The following TBC1D22A variants were observed in gnomAD, a reference collection of about 807,000 sequenced individuals.
TBC1D22A encodes TBC1 domain family member 22A.
In TBC1D22A, 38 loss-of-function variants were observed where a neutral mutation model predicts 60.2. The ratio of observed to expected loss-of-function variants is 0.63; its 90% CI spans 0.49 to 0.83. The LOEUF is 0.83. Among genes scored for constraint, TBC1D22A ranks in the 40% least tolerant of loss-of-function variants. The pLI is 0.00. For missense variants in TBC1D22A, 628 were observed against 701.0 expected, an observed-to-expected ratio of 0.90 and a Z score of 1.18; for synonymous variants, 302 against 281.7, an observed-to-expected ratio of 1.07 and a Z score of -0.72.
chr22:47,075,043 G>A (rs1449358153), intron 11 of TBC1D22A, among the ~76,000 whole-genome samples: 1 of 152,088 alleles, frequency 6.6e-6, no homozygotes, highest in Non-Finnish European at 1.5e-5. Context: ...CTAGCACAGT[G>A]AAACCCTGTC....
chr22:47,037,244 G>C (rs114037328), intron 11 of TBC1D22A, 46 bp downstream of exon 11: 3 of 1,605,728 alleles, frequency 1.9e-6, no homozygotes, highest in African/African-American at 2.7e-5. Context: ...CCAGGAGCCC[G>C]GGCCGTTTCC....
intron 4 of TBC1D22A, among the ~76,000 whole-genome samples, chr22:46,836,008 A>G (rs1288485541): frequency 2.0e-5 from 3 of 152,220 alleles, no homozygotes; most frequent in Non-Finnish European, 4.4e-5. Flanking sequence ...AATGAGGGCA[A>G]GAGTTTCCCA....
intron 12 of TBC1D22A, among the ~76,000 whole-genome samples, chr22:47,163,434 G>C (rs1272912455): frequency 1.3e-5 from 2 of 152,226 alleles, no homozygotes; most frequent in East Asian, 3.8e-4. Flanking sequence ...TTGCAGTGTC[G>C]AGACAGGCAG....
chr22:46,838,964 C>T (rs950258041), intron 4 of TBC1D22A, among the ~76,000 whole-genome samples: 1 of 152,156 alleles, frequency 6.6e-6, no homozygotes, highest in Non-Finnish European at 1.5e-5. Context: ...TGCCTTTCCT[C>T]TAAGATCAGG....
chr22:46,763,118 A>G, intron 1 of TBC1D22A: 2 of 420,020 alleles, frequency 4.8e-6, no homozygotes, highest in Non-Finnish European at 8.5e-6. Flanking sequence ...TTTCCGAGAA[A>G]CTCCTGGGCT....
At chr22:46,773,569 G>T (rs767938707) in intron 1 of TBC1D22A, among the ~76,000 whole-genome samples, 14 of 152,124 alleles carry the variant, frequency 9.2e-5, no homozygotes, top group African/African-American at 2.9e-4. Context: ...GGTTCAAGCA[G>T]TTCTCCTGCC....
intron 8 of TBC1D22A, chr22:46,913,485 C>T: frequency 7.5e-7 from 1 of 1,325,510 alleles, no homozygotes; most frequent in South Asian, 1.2e-5. Flanking sequence ...ACTTTGTTTC[C>T]ATTTGTGATT....
At chr22:46,929,912 C>A (rs1323194774) in intron 8 of TBC1D22A, among the ~76,000 whole-genome samples, 1 of 152,172 alleles carries the variant, frequency 6.6e-6, no homozygotes, top group African/African-American at 2.4e-5. Context: ...TGCTCCTCAG[C>A]CCCTATGTGT....
intron 1 of TBC1D22A, 26 bp downstream of exon 1, chr22:46,762,874 C>T (rs1429439830): frequency 2.7e-6 from 4 of 1,470,962 alleles, no homozygotes; most frequent in Non-Finnish European, 3.6e-6. Context: ...AGGGCCAGGT[C>T]GGGGTCAGGG....
chr22:47,008,151 A>G (rs1347674448), intron 10 of TBC1D22A, among the ~76,000 whole-genome samples: 1 of 152,164 alleles, frequency 6.6e-6, no homozygotes, highest in African/African-American at 2.4e-5. Flanking sequence ...GCAAATTTGG[A>G]TTTTGTCCAT....
At chr22:46,803,386 G>A (rs1378647129) in intron 4 of TBC1D22A, among the ~76,000 whole-genome samples, 1 of 152,182 alleles carries the variant, frequency 6.6e-6, no homozygotes, top group Admixed American at 6.5e-5. Flanking sequence ...TGCTGTTGGA[G>A]GCCTGAGGAA....
intron 11 of TBC1D22A, among the ~76,000 whole-genome samples, chr22:47,076,204 A>G (rs2064200352): frequency 1.3e-5 from 2 of 152,228 alleles, no homozygotes; most frequent in African/African-American, 2.4e-5. Flanking sequence ...GAACGGTTGT[A>G]TATAGAAGTC....
chr22:46,855,968 A>ATGTGTGACATGT (rs2087547643), intron 4 of TBC1D22A, among the ~76,000 whole-genome samples: 1 of 152,176 alleles, frequency 6.6e-6, no homozygotes, highest in Non-Finnish European at 1.5e-5. Flanking sequence ...TGGATTTCTC[A>ATGTGTGACATGT]GTCATGTGTG....
intron 8 of TBC1D22A, among the ~76,000 whole-genome samples, chr22:46,954,572 G>A (rs1470961001): frequency 6.6e-6 from 1 of 152,172 alleles, no homozygotes; most frequent in African/African-American, 2.4e-5. Context: ...ACGTCACTAT[G>A]TCTGTGGCTC....
At chr22:47,004,556 C>G (rs1569326246) in intron 10 of TBC1D22A, among the ~76,000 whole-genome samples, 1 of 150,588 alleles carries the variant, frequency 6.6e-6, no homozygotes, top group Non-Finnish European at 1.5e-5. Context: ...AGGCAGGCTC[C>G]TGTACACACA....
intron 4 of TBC1D22A, among the ~76,000 whole-genome samples, chr22:46,878,318 G>A (rs368789775): frequency 6.9e-5 from 10 of 144,186 alleles, no homozygotes; most frequent in South Asian, 2.2e-4. Context: ...GAAGGAGGTG[G>A]GAGGGAGAGA....
At chr22:47,057,217 C>G (rs865944613) in intron 11 of TBC1D22A, among the ~76,000 whole-genome samples, 5 of 152,292 alleles carry the variant, frequency 3.3e-5, no homozygotes, top group South Asian at 2.1e-4. Flanking sequence ...GTTGAGGCTG[C>G]CGCAAATGAG....
rs1041137143 is a variant in TBC1D22A, at chr22:47,115,461, G to T, written c.1425+3858G>T. Among the ~76,000 whole-genome samples the T allele has an allele frequency of 7.3e-5, 11 of 151,352 alleles. 1 individual carries two copies. Among genetic ancestry groups the T allele is most frequent in the African/African-American group, 2.7e-4 (11 of 41,174 alleles). The stretch of plus-strand genomic sequence containing the variant: ...AGCCTCAGCCCTCACAGCATGGACT[G>T]TGCCTTCCATCTGCCACTCTCCCAC... On this transcript the variant is annotated intron_variant, in intron 12 of 12. Coordinates refer to ENST00000337137, the MANE Select transcript of TBC1D22A (RefSeq NM_014346.5).
At chr22:46,957,497 G>T (rs1316344030) in intron 8 of TBC1D22A, among the ~76,000 whole-genome samples, 1 of 152,228 alleles carries the variant, frequency 6.6e-6, no homozygotes, top group African/African-American at 2.4e-5. Context: ...CACATCTCGT[G>T]AGAACTCACT....
Sources: gnomAD v4.1 joint callset for allele counts (sites outside exome capture counted in the v4.1 genomes callset) on GRCh38, gnomAD v4.1.1 for gene constraint, MANE v1.5 for transcripts, NCBI Gene and HGNC (gene_info 2026-07-23, HGNC 2026-07-21) for gene names.